TRAPPC9: variants seen among roughly 807,000 people sequenced by gnomAD.
TRAPPC9 encodes the protein trafficking protein particle complex subunit 9.
A neutral mutation model predicts 124.0 loss-of-function variants in TRAPPC9; 83 were observed. That is an observed-to-expected ratio of 0.67 (90% CI 0.56 to 0.80). TRAPPC9 has a LOEUF of 0.80. Ranked by LOEUF, TRAPPC9 falls within the 30% of genes least tolerant of loss-of-function variation. The pLI, the probability that TRAPPC9 is intolerant of heterozygous loss-of-function variation, is 0.00. For missense variants in TRAPPC9, 1,302 were observed against 1,508.3 expected, an observed-to-expected ratio of 0.86 and a Z score of 2.27; for synonymous variants, 638 against 617.5, an observed-to-expected ratio of 1.03 and a Z score of -0.49.
intron 17 of TRAPPC9, among the ~76,000 whole-genome samples, chr8:140,059,033 A>G (rs756228): frequency 0.73 from 111,072 of 152,132 alleles, 41,521 homozygotes; most frequent in African/African-American, 0.91. Context: ...CAAGTTCAAC[A>G]TATTATGACA....
At chr8:139,955,927 G>A (rs975346794) in intron 19 of TRAPPC9, among the ~76,000 whole-genome samples, 5 of 151,998 alleles carry the variant, frequency 3.3e-5, no homozygotes, top group African/African-American at 9.7e-5. Context: ...CCAGTGCCCC[G>A]CCCTCCCTCA....
chr8:140,402,317 G>A (rs2069306105), intron 6 of TRAPPC9, among the ~76,000 whole-genome samples: 1 of 152,102 alleles, frequency 6.6e-6, no homozygotes, highest in South Asian at 2.1e-4. Context: ...AGGATTGGTT[G>A]AGTGAAGGAT....
intron 19 of TRAPPC9, among the ~76,000 whole-genome samples, chr8:139,958,910 A>ACTGCATTCGGAGTCACACAGGGGAGCC (rs1835176556): frequency 5.6e-5 from 4 of 71,654 alleles, no homozygotes; most frequent in Admixed American, 2.6e-4. Context: ...ACAGGGGAGC[A>ACTGCATTCGGAGTCACACAGGGGAGCC]CTGCATTCCG....
chr8:139,938,486 C>T (rs1159594591), intron 19 of TRAPPC9, among the ~76,000 whole-genome samples: 1 of 151,962 alleles, frequency 6.6e-6, no homozygotes, highest in Non-Finnish European at 1.5e-5. Context: ...GAGTTTTCAC[C>T]GTGTTAGCCA....
chr8:140,035,697 C>G (rs1259604801), intron 17 of TRAPPC9, among the ~76,000 whole-genome samples: 2 of 152,186 alleles, frequency 1.3e-5, no homozygotes, highest in Non-Finnish European at 2.9e-5. Flanking sequence ...GCATCTGACC[C>G]CAAAAGCCAC....
At chr8:140,028,017 C>A (rs1840262963) in intron 17 of TRAPPC9, among the ~76,000 whole-genome samples, 1 of 152,034 alleles carries the variant, frequency 6.6e-6, no homozygotes, top group Non-Finnish European at 1.5e-5. Flanking sequence ...AGAGTCTAAC[C>A]ACATCAAAAG....
intron 9 of TRAPPC9, among the ~76,000 whole-genome samples, chr8:140,358,965 C>T (rs2067843334): frequency 6.6e-6 from 1 of 152,188 alleles, no homozygotes; most frequent in South Asian, 2.1e-4. Context: ...GGCTTCCCAG[C>T]TGCACAGGCC....
chr8:139,806,478 G>A (rs888274794), intron 21 of TRAPPC9, among the ~76,000 whole-genome samples: 3 of 152,186 alleles, frequency 2.0e-5, no homozygotes, highest in African/African-American at 7.2e-5. Context: ...CCAAGGACCC[G>A]TGAAAACAAT....
intron 21 of TRAPPC9, among the ~76,000 whole-genome samples, chr8:139,760,521 A>T (rs952599176): frequency 2.6e-5 from 4 of 152,178 alleles, no homozygotes; most frequent in East Asian, 3.9e-4. Flanking sequence ...GCTCTTTCTC[A>T]ATGAGGCCTT....
At chr8:140,330,775 G>A (rs2066874375) in intron 9 of TRAPPC9, among the ~76,000 whole-genome samples, 3 of 152,026 alleles carry the variant, frequency 2.0e-5, no homozygotes, top group Admixed American at 2.0e-4. Flanking sequence ...CTTTCTTGGG[G>A]CTATTCATGT....
At chr8:139,917,215 C>G in intron 19 of TRAPPC9, among the ~76,000 whole-genome samples, 1 of 126,344 alleles carries the variant, frequency 7.9e-6, no homozygotes. Flanking sequence ...GCTCTGTTGC[C>G]CAGGACGGAG....
chr8:140,014,167 G>A (rs1028128113), intron 18 of TRAPPC9, among the ~76,000 whole-genome samples: 15 of 152,212 alleles, frequency 9.9e-5, no homozygotes, highest in Admixed American at 7.2e-4. Flanking sequence ...TACACCCCAC[G>A]CCCCGCTCAG....
At chr8:139,791,610 G>A (rs73362177) in intron 21 of TRAPPC9, among the ~76,000 whole-genome samples, 14,733 of 151,948 alleles carry the variant, frequency 0.097, 2,372 homozygotes, top group African/African-American at 0.33. Context: ...ACAGGCGCCC[G>A]TCTCCCCTGC....
chr8:140,009,436 A>G (rs921349368), intron 18 of TRAPPC9, among the ~76,000 whole-genome samples: 1 of 152,262 alleles, frequency 6.6e-6, no homozygotes, highest in African/African-American at 2.4e-5. Context: ...TTTTACATTT[A>G]TTTATACTTT....
chr8:140,043,847 G>C (rs78057210), intron 17 of TRAPPC9, among the ~76,000 whole-genome samples: 2 of 152,110 alleles, frequency 1.3e-5, no homozygotes, highest in Non-Finnish European at 2.9e-5. Flanking sequence ...GCATGGTGAC[G>C]TGGGCCCCAG....
chr8:139,996,398 G>T (rs1248749224), intron 18 of TRAPPC9, among the ~76,000 whole-genome samples: 3 of 151,898 alleles, frequency 2.0e-5, no homozygotes, highest in Non-Finnish European at 2.9e-5. Context: ...CACATTCCAA[G>T]ACCATGGGTT....
intron 10 of TRAPPC9, among the ~76,000 whole-genome samples, chr8:140,305,329 A>G (rs971553478): frequency 3.6e-4 from 55 of 152,222 alleles, no homozygotes; most frequent in African/African-American, 1.3e-3. Flanking sequence ...GAGAGGGAGT[A>G]TCGCACTGTC....
At position 140,239,168 on chromosome 8, in the gene TRAPPC9, G is replaced by A. The variant is rs544639978; in HGVS notation, c.2431+13609C>T. 2.0e-5 allele frequency among the ~76,000 whole-genome samples: 3 copies of A among 152,276 alleles called. No individual in the cohort carries two copies. The South Asian group carries it at 6.2e-4, about 32-fold the overall frequency. ...GAAGACGGCAGCAGTGTGAGGGCACGGAGGGAAGCCCCACGCCAGCCTCCA... is the reference window on the plus strand; with the variant it reads ...GAAGACGGCAGCAGTGTGAGGGCACAGAGGGAAGCCCCACGCCAGCCTCCA... On this transcript the variant is annotated intron_variant, in intron 16 of 22. Coordinates refer to ENST00000438773, the MANE Select transcript of TRAPPC9 (RefSeq NM_001160372.4).
At chr8:140,022,817 T>C (rs1839899370) in intron 18 of TRAPPC9, among the ~76,000 whole-genome samples, 1 of 152,188 alleles carries the variant, frequency 6.6e-6, no homozygotes, top group African/African-American at 2.4e-5. Context: ...AGGTGACAGA[T>C]GATGAAATGT....
Sources: allele counts gnomAD v4.1 joint callset (sites outside exome capture counted in the v4.1 genomes callset), GRCh38; gene constraint gnomAD v4.1.1; transcripts MANE v1.5; gene names NCBI Gene and HGNC (gene_info 2026-07-23, HGNC 2026-07-21).